Variants in CHRDL1 observed in about 807,000 individuals in gnomAD.
The protein encoded by CHRDL1 is chordin like 1, also known as chordin-like protein 1.
In CHRDL1, 19 loss-of-function variants were observed where a neutral mutation model predicts 40.9. The ratio of observed to expected loss-of-function variants is 0.46; its 90% CI spans 0.32 to 0.68. The LOEUF is 0.68. Ranked by LOEUF, CHRDL1 falls within the 30% of genes least tolerant of loss-of-function variation. The pLI is 0.03. For missense variants in CHRDL1, 329 were observed against 352.1 expected, an observed-to-expected ratio of 0.93 and a Z score of 0.53; for synonymous variants, 136 against 123.4, an observed-to-expected ratio of 1.10 and a Z score of -0.68.
At chrX:110,745,436 C>T (rs2071434573) in intron 4 of CHRDL1, among the ~76,000 whole-genome samples, 2 of 111,778 alleles carry the variant, frequency 1.8e-5, no homozygotes, top group Non-Finnish European at 3.8e-5. Context: ...TCTGACATTT[C>T]CAGCCTCCTC....
chrX:110,763,635 T>C (rs1226863472), intron 2 of CHRDL1, among the ~76,000 whole-genome samples: 1 of 109,748 alleles, frequency 9.1e-6, no homozygotes, highest in East Asian at 2.9e-4. Context: ...TATCCACTCA[T>C]TGATTGATGG....
intron 4 of CHRDL1, among the ~76,000 whole-genome samples, chrX:110,728,378 C>T (rs1214702279): frequency 1.8e-5 from 2 of 111,348 alleles, no homozygotes; most frequent in African/African-American, 6.5e-5. Context: ...TTGAAGACTA[C>T]GTTTGAAAAA....
intron 4 of CHRDL1, among the ~76,000 whole-genome samples, chrX:110,726,587 G>T (rs1182204486): frequency 8.9e-6 from 1 of 112,109 alleles, no homozygotes; most frequent in Non-Finnish European, 1.9e-5. Flanking sequence ...GCATGTCTTG[G>T]TTCTGTGATC....
In CHRDL1 at chrX:110,700,685, T is replaced by C; in HGVS notation, c.578A>G (p.Asp193Gly). The C allele has an allele frequency of 8.4e-7, 1 of 1,192,592 alleles. No individual in the cohort carries two copies. Among genetic ancestry groups the C allele is most frequent in the Non-Finnish European group, 1.1e-6 (1 of 878,060 alleles). ...GELSWEHSDG[D>G]IFRQPANREA... is the part of the protein sequence containing the mutation. ...TCTGTTGGCAGGTTGCCGGAAGATATCACCATCAGAATGTTCCCATGACAG... is the reference window on the plus strand; with the variant it reads ...TCTGTTGGCAGGTTGCCGGAAGATACCACCATCAGAATGTTCCCATGACAG... Residue 193 changes from aspartate (D) to glycine (G), a missense_variant, in exon 7 of 12, where the codon GAT (aspartate) becomes GGT (glycine). Asp to Gly is a moderately conservative substitution (Grantham distance 94). Coordinates refer to ENST00000372042, the MANE Select transcript of CHRDL1 (RefSeq NM_001143981.2).
intron 7 of CHRDL1, among the ~76,000 whole-genome samples, chrX:110,695,395 G>C (rs907880763): frequency 9.0e-6 from 1 of 110,703 alleles, no homozygotes; most frequent in African/African-American, 3.4e-5. Context: ...GAAAAGCTTA[G>C]AGTCTTGTCA....
chrX:110,714,063 T>C (rs1603181043), intron 6 of CHRDL1, among the ~76,000 whole-genome samples: 2 of 110,674 alleles, frequency 1.8e-5, no homozygotes, highest in South Asian at 7.8e-4. Context: ...AAAAAACTTT[T>C]ATTTTAGGTT....
intron 4 of CHRDL1, among the ~76,000 whole-genome samples, chrX:110,755,217 G>GC (rs1389997989): frequency 5.4e-5 from 6 of 111,161 alleles, no homozygotes; most frequent in Non-Finnish European, 1.1e-4. Context: ...CCTCCATGTA[G>GC]CCTCTTTGGG....
intron 6 of CHRDL1, among the ~76,000 whole-genome samples, chrX:110,714,859 G>T (rs998699445): frequency 9.0e-6 from 1 of 111,601 alleles, no homozygotes; most frequent in Non-Finnish European, 1.9e-5. Flanking sequence ...AGGTTTCTGG[G>T]TTCCCTGCTG....
rs72389100 is a variant in CHRDL1 at position 110,685,886 on chromosome X, ATTT to A, written c.988+2705_988+2707del. 4.0e-3 allele frequency among the ~76,000 whole-genome samples: 335 copies of A among 82,756 alleles called. 1 individual carries two copies. The highest frequency in any genetic ancestry group is 6.1e-3 in the Non-Finnish European group (267 of 43,738). 71.9% of individuals were successfully genotyped at this position (82,756 alleles called of 115,157 possible). ...TCCTAGAAGTGGAATTTTTTAGCCA[ATTT>A]TTTTTTTTTTTTTTTTTTTGAGATA... On this transcript the variant is annotated intron_variant, in intron 9 of 11. Transcript: ENST00000372042.
rs2069729388 is a variant in CHRDL1 at position 110,674,401 on chromosome X, A to G, written c.*1830T>C. 9.2e-6 allele frequency: 1 copy of G among 108,274 alleles called. No homozygotes were observed. Among genetic ancestry groups the G allele is most frequent in the East Asian group, 2.9e-4 (1 of 3,431 alleles). The allele number at this position is 108,274 out of a possible 1,213,427, so 8.9% of individuals were successfully genotyped here. A position where few individuals can be genotyped will look rare whatever the true frequency, so the allele number is the denominator to read the frequency against. ...CTAGTTACTAGTCTCCACATTATGG[A>G]ATCACTGCCACCTCTGGGACGGAGG... On this transcript the variant is annotated 3_prime_UTR_variant, in exon 12 of 12. Coordinates refer to ENST00000372042, the MANE Select transcript of CHRDL1 (RefSeq NM_001143981.2).
intron 4 of CHRDL1, among the ~76,000 whole-genome samples, chrX:110,729,009 C>A (rs1294817263): frequency 1.8e-5 from 2 of 112,006 alleles, no homozygotes; most frequent in African/African-American, 6.5e-5. Flanking sequence ...AGCCTGTTAT[C>A]CCAGCTACTC....
At chrX:110,768,567 TAGA>T (rs1485998639) in intron 2 of CHRDL1, among the ~76,000 whole-genome samples, 1 of 111,050 alleles carries the variant, frequency 9.0e-6, no homozygotes, top group African/African-American at 3.3e-5. Flanking sequence ...AAAAAGCAGG[TAGA>T]AGAAGGTGGA....
At chrX:110,791,790 C>T (rs973058168) in intron 2 of CHRDL1, among the ~76,000 whole-genome samples, 3 of 111,428 alleles carry the variant, frequency 2.7e-5, no homozygotes, top group African/African-American at 6.5e-5. Flanking sequence ...TCTAGAGTTA[C>T]GTAAAATGTA....
intron 4 of CHRDL1, among the ~76,000 whole-genome samples, chrX:110,744,267 AAC>A (rs1406802236): frequency 8.9e-6 from 1 of 112,484 alleles, no homozygotes; most frequent in East Asian, 2.8e-4. Flanking sequence ...TTCCAAAGAG[AAC>A]ACAGAAAACA....
In CHRDL1 at chrX:110,717,538, G is replaced by A. The variant is rs2070865975; in HGVS notation, c.541+2297C>T. Among the ~76,000 whole-genome samples the A allele has an allele frequency of 6.3e-5, 7 of 111,344 alleles. 1 individual carries two copies. In the Admixed American group the frequency reaches 6.7e-4, roughly 11 times the overall value. ...CTGAAATATGGAGCCAGGCTGCCAG[G>A]ATTCAAATCTTAGCTCCTCAACTCA... On this transcript the variant is annotated intron_variant, in intron 6 of 11. Transcript: ENST00000372042.
intron 5 of CHRDL1, among the ~76,000 whole-genome samples, chrX:110,720,734 T>A (rs1388365551): frequency 8.9e-6 from 1 of 112,026 alleles, no homozygotes. Flanking sequence ...TCTAACTTCA[T>A]TCCTTCCTGC....
chrX:110,723,923 C>A (rs957543789), intron 4 of CHRDL1, among the ~76,000 whole-genome samples: 3 of 112,438 alleles, frequency 2.7e-5, no homozygotes, highest in Non-Finnish European at 5.6e-5. Context: ...ACAGCCTTAG[C>A]TCCTAGAAAG....
chrX:110,772,983 TG>T (rs1188705061), intron 2 of CHRDL1, among the ~76,000 whole-genome samples: 1 of 112,682 alleles, frequency 8.9e-6, no homozygotes, highest in Non-Finnish European at 1.9e-5. Flanking sequence ...TTTGTGATTC[TG>T]GTTTAGGCAA....
At chrX:110,704,581 C>A (rs760098723) in intron 6 of CHRDL1, among the ~76,000 whole-genome samples, 1 of 111,076 alleles carries the variant, frequency 9.0e-6, no homozygotes, top group Non-Finnish European at 1.9e-5. Flanking sequence ...ACTGATAAGA[C>A]CCTGAAGGAA....
Sources: allele counts gnomAD v4.1 joint callset (sites outside exome capture counted in the v4.1 genomes callset), GRCh38; gene constraint gnomAD v4.1.1; transcripts MANE v1.5; gene names NCBI Gene and HGNC (gene_info 2026-07-23, HGNC 2026-07-21).